The following SHISA9 variants were observed in gnomAD, a reference collection of about 807,000 sequenced individuals.
The protein encoded by SHISA9 is shisa family member 9.
A neutral mutation model predicts 38.0 loss-of-function variants in SHISA9; 13 were observed. The ratio of observed to expected loss-of-function variants is 0.34; its 90% confidence interval spans 0.22 to 0.54. The LOEUF (loss-of-function observed/expected upper bound fraction) is 0.54. SHISA9 is among the 20% of genes least tolerant of loss of function. The probability of loss-of-function intolerance (pLI) is 0.91; values close to 1 mark genes in which losing one functional copy is unlikely to be tolerated. For missense variants in SHISA9, 538 were observed against 575.8 expected, an observed-to-expected ratio of 0.93 and a Z score of 0.67; for synonymous variants, 275 against 242.0, an observed-to-expected ratio of 1.14 and a Z score of -1.27.
the SHISA9 span, among the ~76,000 whole-genome samples, chr16:13,527,106 T>C: frequency 1.3e-5 from 2 of 152,298 alleles, no homozygotes; most frequent in Non-Finnish European, 2.9e-5. Flanking sequence ...GAGTACCTAA[T>C]ACTATAACCT....
At chr16:13,294,504 T>C in the SHISA9 span, among the ~76,000 whole-genome samples, 2 of 152,178 alleles carry the variant, frequency 1.3e-5, no homozygotes, top group East Asian at 1.9e-4. Context: ...TCTTAAGGCT[T>C]CAACTCAAAA....
At chr16:13,507,024 C>G in the SHISA9 span, among the ~76,000 whole-genome samples, 1 of 151,860 alleles carries the variant, frequency 6.6e-6, no homozygotes, top group Non-Finnish European at 1.5e-5. Context: ...TGCTGGGTAA[C>G]AGAACAAGAT....
At chr16:13,508,537 G>T in the SHISA9 span, among the ~76,000 whole-genome samples, 1 of 152,114 alleles carries the variant, frequency 6.6e-6, no homozygotes, top group Non-Finnish European at 1.5e-5. Flanking sequence ...CCAGGGTGGG[G>T]TGGGAAGTGT....
the SHISA9 span, among the ~76,000 whole-genome samples, chr16:13,486,497 T>A: frequency 3.3e-5 from 5 of 152,348 alleles, no homozygotes; most frequent in Admixed American, 3.3e-4. Flanking sequence ...TTGGTTTAAC[T>A]TATTATTTTG....
chr16:13,083,145 A>C (rs2073671978), intron 2 of SHISA9, among the ~76,000 whole-genome samples: 1 of 152,180 alleles, frequency 6.6e-6, no homozygotes, highest in Admixed American at 6.5e-5. Flanking sequence ...GGACTAGCAA[A>C]GGAGGAACTT....
intron 2 of SHISA9, among the ~76,000 whole-genome samples, chr16:12,929,713 TCTGTGTAGCA>T (rs1343373591): frequency 6.6e-6 from 1 of 151,830 alleles, no homozygotes; most frequent in Non-Finnish European, 1.5e-5. Context: ...GATGGGATAA[TCTGTGTAGCA>T]AACCACCACT....
intron 2 of SHISA9, among the ~76,000 whole-genome samples, chr16:13,125,113 A>C (rs1285939587): frequency 6.6e-6 from 1 of 152,214 alleles, no homozygotes; most frequent in Non-Finnish European, 1.5e-5. Context: ...AAAATGGTCA[A>C]ATGGGATCCC....
chr16:12,985,373 C>T (rs993497472), intron 2 of SHISA9, among the ~76,000 whole-genome samples: 2 of 152,098 alleles, frequency 1.3e-5, no homozygotes, highest in African/African-American at 4.8e-5. Flanking sequence ...TTCTGGTGAA[C>T]CCTTCTCCAA....
At chr16:13,085,032 G>A (rs1233948098) in intron 2 of SHISA9, among the ~76,000 whole-genome samples, 1 of 152,126 alleles carries the variant, frequency 6.6e-6, no homozygotes, top group East Asian at 1.9e-4. Flanking sequence ...AAGGTAAGCA[G>A]GAAGGTGTCC....
the SHISA9 span, among the ~76,000 whole-genome samples, chr16:13,509,453 G>A: frequency 6.6e-6 from 1 of 152,056 alleles, no homozygotes; most frequent in Non-Finnish European, 1.5e-5. Flanking sequence ...ACAATTCTCA[G>A]TAGGAATGGT....
the SHISA9 span, among the ~76,000 whole-genome samples, chr16:13,412,879 A>AAACAAACAAAAC: frequency 6.6e-6 from 1 of 151,532 alleles, no homozygotes. Context: ...ACAAACAAAT[A>AAACAAACAAAAC]AACAAACAAA....
the SHISA9 span, among the ~76,000 whole-genome samples, chr16:13,510,041 C>T: frequency 1.3e-5 from 2 of 152,158 alleles, no homozygotes; most frequent in Non-Finnish European, 2.9e-5. Context: ...CTCAGTGTCT[C>T]ACACCTGTAG....
the SHISA9 span, among the ~76,000 whole-genome samples, chr16:13,332,877 T>C: frequency 6.6e-6 from 1 of 152,234 alleles, no homozygotes; most frequent in African/African-American, 2.4e-5. Context: ...AGGTGCTACA[T>C]GGCCCTGTGG....
chr16:13,197,104 T>TACACACACACACACAC (rs58365720), intron 2 of SHISA9, among the ~76,000 whole-genome samples: 5 of 106,584 alleles, frequency 4.7e-5, no homozygotes, highest in African/African-American at 1.3e-4. Flanking sequence ...TCTCTGTACA[T>TACACACACACACACAC]ACACACACAC....
intron 2 of SHISA9, among the ~76,000 whole-genome samples, chr16:13,173,048 T>G (rs2050700610): frequency 6.6e-6 from 1 of 152,116 alleles, no homozygotes; most frequent in South Asian, 2.1e-4. Context: ...AATGTCCCTT[T>G]TATCAAATGG....
At chr16:13,515,027 AT>A in the SHISA9 span, among the ~76,000 whole-genome samples, 4 of 151,996 alleles carry the variant, frequency 2.6e-5, no homozygotes, top group African/African-American at 9.7e-5. Context: ...AAGCAAAAAG[AT>A]TAGTGGAGTA....
the SHISA9 span, among the ~76,000 whole-genome samples, chr16:13,399,439 T>G: frequency 6.6e-6 from 1 of 152,136 alleles, no homozygotes; most frequent in South Asian, 2.1e-4. Flanking sequence ...GGTTCTTTGT[T>G]CTACCACAGA....
intron 1 of SHISA9, among the ~76,000 whole-genome samples, chr16:12,907,250 C>T (rs995322211): frequency 1.4e-4 from 19 of 135,532 alleles, no homozygotes; most frequent in Admixed American, 1.2e-3. Flanking sequence ...CTCTTCCCTT[C>T]CTACCCTTCT....
intron 2 of SHISA9, among the ~76,000 whole-genome samples, chr16:13,013,814 G>A (rs918042895): frequency 2.6e-5 from 4 of 151,918 alleles, no homozygotes; most frequent in African/African-American, 4.8e-5. Context: ...TGCAAGCTCC[G>A]CGTCCCGGGT....
Sources: allele counts gnomAD v4.1 joint callset (sites outside exome capture counted in the v4.1 genomes callset), GRCh38; gene constraint gnomAD v4.1.1; transcripts MANE v1.5; gene names NCBI Gene and HGNC (gene_info 2026-07-23, HGNC 2026-07-21).